The following GYS2 variants were observed in gnomAD, a reference collection of about 807,000 sequenced individuals.
GYS2 encodes the protein glycogen synthase 2, also known as glycogen [starch] synthase, liver.
In GYS2, 80 loss-of-function variants were observed where a neutral mutation model predicts 85.6. The ratio of observed to expected loss-of-function variants is 0.93; its 90% CI spans 0.78 to 1.13. The LOEUF is 1.13. GYS2 is among the 50% of genes most tolerant of loss of function. GYS2 has a pLI of 0.00. For missense variants in GYS2, 881 were observed against 854.9 expected (o/e 1.03, Z -0.38); for synonymous variants, 328 against 300.7 (o/e 1.09, Z -0.94).
At chr12:21,572,031 A>G (rs982770785) in intron 4 of GYS2, among the ~76,000 whole-genome samples, 4 of 151,984 alleles carry the variant, frequency 2.6e-5, no homozygotes, top group Non-Finnish European at 5.9e-5. Context: ...AGAAAACTAA[A>G]GGCTTTAGAG....
chr12:21,597,646 AC>A (rs1190573699), intron 1 of GYS2, among the ~76,000 whole-genome samples: 1 of 152,284 alleles, frequency 6.6e-6, no homozygotes, highest in East Asian at 1.9e-4. Context: ...ATGTAGATTT[AC>A]CAAAAAGCTA....
At chr12:21,575,837 C>T (rs762678247) in intron 3 of GYS2, 29 bp downstream of exon 3, 2 of 1,545,428 alleles carry the variant, frequency 1.3e-6, no homozygotes, top group South Asian at 1.1e-5. Context: ...TGCTGCTCCT[C>T]CGTTGTATCA....
chr12:21,590,986 C>T (rs1017127836), intron 1 of GYS2, among the ~76,000 whole-genome samples: 5 of 152,162 alleles, frequency 3.3e-5, no homozygotes, highest in African/African-American at 1.2e-4. Flanking sequence ...AGAAAAAAGT[C>T]TTCCCCTACA....
Position 21,604,826 on chromosome 12 carries a change from G to A in GYS2, c.-234C>T. On this transcript the variant is annotated 5_prime_UTR_variant, in exon 1 of 16. Coordinates refer to ENST00000261195, the MANE Select transcript of GYS2 (RefSeq NM_021957.4). ...CTTTCTGGGCAGGTATTGTGAGGACGGTATCTGCCCTGTCAGTATCTACCC... is the reference window on the plus strand; with the variant it reads ...CTTTCTGGGCAGGTATTGTGAGGACAGTATCTGCCCTGTCAGTATCTACCC... 3.1e-6 allele frequency: 4 copies of A among 1,288,378 alleles called. No homozygotes were observed. Among genetic ancestry groups the A allele is most frequent in the Non-Finnish European group, 4.0e-6 (4 of 1,005,908 alleles). 79.8% of individuals were successfully genotyped at this position (1,288,378 alleles called of 1,614,324 possible).
intron 5 of GYS2, among the ~76,000 whole-genome samples, chr12:21,567,596 G>A (rs1380477977): frequency 6.7e-6 from 1 of 149,784 alleles, no homozygotes; most frequent in Non-Finnish European, 1.5e-5. Context: ...CTATCTGAAA[G>A]AAGGACAACT....
rs137978019 is a variant in GYS2 at position 21,584,813 on chromosome 12, C to T, written c.122-4290G>A. The stretch of plus-strand genomic sequence containing the variant: ...TACCATCCATGGAATCACAGAATGC[C>T]GTATCCACTGTCATGGTATTCCACA... On this transcript the variant is annotated intron_variant, in intron 1 of 15. Coordinates refer to ENST00000261195, the MANE Select transcript of GYS2 (RefSeq NM_021957.4). Among the ~76,000 whole-genome samples, 174 of 152,264 alleles carry T rather than the reference C, an allele frequency of 1.1e-3. 2 individuals carry two copies. The East Asian group carries it at 0.012, about 10-fold the overall frequency.
At chr12:21,589,781 C>T (rs1264656683) in intron 1 of GYS2, among the ~76,000 whole-genome samples, 2 of 152,126 alleles carry the variant, frequency 1.3e-5, no homozygotes, top group African/African-American at 4.8e-5. Context: ...CCAGCAATCG[C>T]ACAAAGGCAT....
chr12:21,532,582 C>G (rs948424157), downstream of GYS2: 1 of 152,094 alleles, frequency 6.6e-6, no homozygotes, highest in African/African-American at 2.4e-5. Flanking sequence ...CTAGGTAGTG[C>G]TTACATCTGA....
intron 12 of GYS2, among the ~76,000 whole-genome samples, chr12:21,544,063 T>A (rs1048979969): frequency 9.9e-5 from 15 of 152,226 alleles, no homozygotes; most frequent in African/African-American, 3.6e-4. Context: ...TTATATTTAT[T>A]TGGCTCTCTG....
rs1031850334 is a variant in GYS2, at chr12:21,587,506, C to G, written c.122-6983G>C. Among the ~76,000 whole-genome samples the G allele has an allele frequency of 1.1e-4, 16 of 152,166 alleles. No individual in the cohort carries two copies. The South Asian group carries it at 1.5e-3, about 14-fold the overall frequency. ...GATGGTTTTATAAGCGGCTTTTCCCCCTTTTGCTTGGCACTTCTACTTGCT... is the reference window on the plus strand; with the variant it reads ...GATGGTTTTATAAGCGGCTTTTCCCGCTTTTGCTTGGCACTTCTACTTGCT... On this transcript the variant is annotated intron_variant, in intron 1 of 15. Coordinates refer to ENST00000261195, the MANE Select transcript of GYS2 (RefSeq NM_021957.4).
rs139690928 is a variant in GYS2, at chr12:21,575,587, T to A, written c.495+279A>T. ...TCATGTTTTTCTTATATATATATAT[T>A]AAGTATCATCTATATATGGGGCAAT... On this transcript the variant is annotated intron_variant, in intron 3 of 15. Transcript: ENST00000261195. 5.1e-3 allele frequency among the ~76,000 whole-genome samples: 771 copies of A among 152,086 alleles called. 6 individuals carry two copies. Among genetic ancestry groups the A allele is most frequent in the African/African-American group, 0.018 (731 of 41,446 alleles).
At chr12:21,580,695 C>T (rs908265392) in intron 1 of GYS2, among the ~76,000 whole-genome samples, 172 bp from the exon 2 acceptor site, 5 of 152,188 alleles carry the variant, frequency 3.3e-5, no homozygotes, top group African/African-American at 4.8e-5. Flanking sequence ...GGGACACCAA[C>T]GAATGGTTAC....
chr12:21,556,968 A>C (rs1565597509), intron 11 of GYS2, among the ~76,000 whole-genome samples: 6 of 152,340 alleles, frequency 3.9e-5, no homozygotes, highest in Non-Finnish European at 8.8e-5. Context: ...TGTACAATAC[A>C]ACAGAAGGAA....
chr12:21,569,208 C>G (rs1033338080), intron 4 of GYS2, among the ~76,000 whole-genome samples, 199 bp from the exon 5 acceptor site: 2 of 152,150 alleles, frequency 1.3e-5, no homozygotes, highest in Non-Finnish European at 2.9e-5. Context: ...ATTGTTTACT[C>G]CATTTCTCCC....
At position 21,563,011 on chromosome 12, in the gene GYS2, A is replaced by G. The variant is rs1944273916; in HGVS notation, c.969T>C (p.Thr323=). Residue 323 remains threonine (T), a synonymous_variant, in exon 7 of 16, where the codon ACT becomes ACC. Coordinates refer to ENST00000261195, the MANE Select transcript of GYS2 (RefSeq NM_021957.4). ...ACCTCCCAGCAATGAAAAGGAACAA[A>G]GTCTTTTCAAGATCAAAGTCGAGAT... ...YGHLDFDLEK[T]LFLFIAGRYE... The G allele has an allele frequency of 6.2e-7, 1 of 1,612,462 alleles. No homozygotes were observed. Among genetic ancestry groups the G allele is most frequent in the African/African-American group, 1.3e-5 (1 of 75,026 alleles).
At chr12:21,583,011 T>C (rs971619744) in intron 1 of GYS2, among the ~76,000 whole-genome samples, 1 of 152,160 alleles carries the variant, frequency 6.6e-6, no homozygotes, top group African/African-American at 2.4e-5. Flanking sequence ...GACAAAGTGA[T>C]GAAAGAAAAT....
downstream of GYS2, among the ~76,000 whole-genome samples, chr12:21,534,535 A>C (rs1943892981): frequency 6.6e-6 from 1 of 151,802 alleles, no homozygotes; most frequent in South Asian, 2.1e-4. Context: ...AAGAAAAAGA[A>C]GGAAAGAAAT....
At chr12:21,556,670 T>C (rs7313335) in intron 11 of GYS2, among the ~76,000 whole-genome samples, 113,135 of 151,870 alleles carry the variant, frequency 0.74, 42,763 homozygotes, top group Non-Finnish European at 0.81. Flanking sequence ...CATGACATGA[T>C]CCTCAAACCA....
intron 11 of GYS2, among the ~76,000 whole-genome samples, chr12:21,547,457 C>T (rs980939165): frequency 6.6e-6 from 1 of 151,974 alleles, no homozygotes; most frequent in South Asian, 2.1e-4. Context: ...AATGAGCTAT[C>T]AAGCCATGAA....
Sources: gnomAD v4.1 joint callset for allele counts (sites outside exome capture counted in the v4.1 genomes callset) on GRCh38, gnomAD v4.1.1 for gene constraint, MANE v1.5 for transcripts, NCBI Gene and HGNC (gene_info 2026-07-23, HGNC 2026-07-21) for gene names.